Variants in NBPF20 observed in about 807,000 individuals in gnomAD.
NBPF20 encodes NBPF family member NBPF20.
NBPF20 carries 90 observed loss-of-function variants against 68.1 expected under a neutral mutation model. The observed-to-expected ratio is 1.32, with a 90% CI of 1.11 to 1.58. The LOEUF is 1.58. Among genes scored for constraint, NBPF20 ranks in the 40% most tolerant of loss-of-function variants. The pLI, the probability that NBPF20 is intolerant of heterozygous loss-of-function variation, is 0.00. For synonymous variants in NBPF20, 290 were observed against 228.1 expected, an observed-to-expected ratio of 1.27 and a Z score of -2.45; for missense variants, 816 against 601.2, an observed-to-expected ratio of 1.36 and a Z score of -3.74.
intron 61 of NBPF20, among the ~76,000 whole-genome samples, chr1:145,352,348 G>C (rs1157419088): frequency 0.013 from 1,025 of 76,778 alleles, 62 homozygotes; most frequent in African/African-American, 0.03. Flanking sequence ...CACACACACA[G>C]AGAGAACGAG....
At chr1:145,291,548 A>C in exon 138 of NBPF20, 2 of 1,612,028 alleles carry the variant, frequency 1.2e-6, no homozygotes, top group Non-Finnish European at 1.7e-6. Flanking sequence ...TATGACTCCC[A>C]TCTGGAACAC....
At chr1:145,400,552 T>G in exon 6 of NBPF20, 1 of 1,612,674 alleles carries the variant, frequency 6.2e-7, no homozygotes, top group Non-Finnish European at 8.5e-7. Flanking sequence ...ATTCCTCCTG[T>G]GAGTCCTCAG....
chr1:145,422,254 TAAAG>T, the NBPF20 span, among the ~76,000 whole-genome samples: 9 of 151,352 alleles, frequency 5.9e-5, 1 homozygote, highest in South Asian at 6.3e-4. Flanking sequence ...GATAAATAAA[TAAAG>T]AGTCAAAACT....
At position 145,291,836 on chromosome 1, in the gene NBPF20, T is replaced by A. The variant is rs587635417; in HGVS notation, c.16698-67A>T. The A allele has an allele frequency of 1.8e-4, 297 of 1,610,982 alleles. No individual in the cohort carries two copies. The African/African-American group carries it at 3.8e-3, about 20-fold the overall frequency. ...CAGAAACCACAGAGCCCCACTAGAT[T>A]TCAGAAGTCACATAAGGAAGTGGTT... On this transcript the variant is annotated intron_variant, in intron 137 of 137. Coordinates refer to ENST00000369373, the Ensembl canonical transcript of NBPF20.
intron 2 of NBPF20, among the ~76,000 whole-genome samples, chr1:145,403,831 A>C (rs1198186884): frequency 1.3e-5 from 2 of 151,954 alleles, no homozygotes; most frequent in Non-Finnish European, 2.9e-5. Context: ...TATCTGAAGC[A>C]TAAAGTGTGA....
intron 6 of NBPF20, 121 bp downstream of exon 11, chr1:145,400,268 T>A (rs1249016115): frequency 3.1e-6 from 5 of 1,587,340 alleles, no homozygotes; most frequent in East Asian, 4.5e-5. Flanking sequence ...GTCCCTGATA[T>A]CTGTTTAGAA....
At chr1:145,292,800 G>C (rs1447428835) in intron 136 of NBPF20, among the ~76,000 whole-genome samples, 3 of 79,354 alleles carry the variant, frequency 3.8e-5, no homozygotes, top group Non-Finnish European at 6.8e-5. Context: ...ATGATTTCTA[G>C]GAGAAAAACT....
In NBPF20 at chr1:145,291,468, T is replaced by A. The variant is rs587603856; in HGVS notation, c.*58A>T. ...TGGAACTGTACTTTCATTCAAATCT[T>A]CACGTGCCTATAGGTCCTGCCTGCA... On this transcript the variant is annotated 3_prime_UTR_variant, in exon 138 of 138. Coordinates refer to ENST00000369373, the Ensembl canonical transcript of NBPF20. The A allele has an allele frequency of 9.2e-5, 149 of 1,612,006 alleles. 1 individual carries two copies. In the South Asian group the frequency reaches 1.6e-3, roughly 17 times the overall value.
chr1:145,419,801 G>T, the NBPF20 span, among the ~76,000 whole-genome samples: 4 of 152,176 alleles, frequency 2.6e-5, no homozygotes, highest in African/African-American at 9.7e-5. Flanking sequence ...GCCCAGAGCA[G>T]GGCATGGTAC....
intron 8 of NBPF20, among the ~76,000 whole-genome samples, chr1:145,394,774 C>G (rs1354626030): frequency 6.6e-6 from 1 of 152,130 alleles, no homozygotes; most frequent in African/African-American, 2.4e-5. Flanking sequence ...TGGCCTGAGA[C>G]TAGGAAGAGA....
chr1:145,425,073 C>A, the NBPF20 span, among the ~76,000 whole-genome samples: 8 of 152,210 alleles, frequency 5.3e-5, no homozygotes, highest in Non-Finnish European at 1.0e-4. Flanking sequence ...GCCCCCGAAG[C>A]TGCTCGTCCC....
chr1:145,291,406 C>G, exon 138 of NBPF20: 1 of 1,599,352 alleles, frequency 6.3e-7, no homozygotes, highest in Admixed American at 1.7e-5. Context: ...GGAATACAGC[C>G]ATGCCCACTG....
Position 145,392,794 on chromosome 1 carries a change from A to T in NBPF20, c.1216+280T>A. 2.1e-5 allele frequency among the ~76,000 whole-genome samples: 2 copies of T among 93,588 alleles called. 1 individual carries two copies. The highest frequency in any genetic ancestry group is 3.8e-5 in the Non-Finnish European group (2 of 52,758). The allele number at this position is 93,588 out of a possible 152,430, so 61.4% of individuals were successfully genotyped here. Reference sequence around the variant, plus strand: ...ATCTACAAAATTGAGACAAAATCAGAGTTGTGTGAATTTGTCACATCTGCC... The same window carrying T: ...ATCTACAAAATTGAGACAAAATCAGTGTTGTGTGAATTTGTCACATCTGCC... On this transcript the variant is annotated intron_variant, in intron 10 of 137. Coordinates refer to ENST00000369373, the Ensembl canonical transcript of NBPF20.
chr1:145,295,096 T>C (rs1661266714), intron 133 of NBPF20, 142 bp from the exon 139 acceptor site: 2 of 572,930 alleles, frequency 3.5e-6, no homozygotes, highest in African/African-American at 4.9e-5. Flanking sequence ...TTATTGCCTT[T>C]ATGTTGGGAT....
the NBPF20 span, among the ~76,000 whole-genome samples, chr1:145,424,259 A>T: frequency 2.7e-5 from 4 of 150,366 alleles, no homozygotes; most frequent in South Asian, 2.2e-4. Context: ...TACAGGTGTG[A>T]TCTACCGCGC....
In NBPF20 at chr1:145,311,036, G is replaced by A. The variant is rs1661464120; in HGVS notation, c.13713-206C>T. Among the ~76,000 whole-genome samples the A allele has an allele frequency of 3.4e-5, 3 of 87,132 alleles. No individual in the cohort carries two copies. In the South Asian group the frequency reaches 1.2e-3, roughly 36 times the overall value. The allele number at this position is 87,132 out of a possible 152,430, so 57.2% of individuals were successfully genotyped here. On this transcript the variant is annotated intron_variant, in intron 113 of 137. Transcript: ENST00000369373. ...AGAGAAAGACAGGGAGAGGGAGGGA[G>A]AGAGAGAGAGAGAGAGAGGAGAAAG...
At chr1:145,407,932 T>A (rs1662875727), upstream of NBPF20, 1 of 161,140 alleles carries the variant, frequency 6.2e-6, no homozygotes, top group Non-Finnish European at 1.4e-5. Context: ...AGCTTTGTCA[T>A]GAATGGGCTG....
the NBPF20 span, among the ~76,000 whole-genome samples, chr1:145,421,251 TG>T: frequency 6.6e-6 from 1 of 152,236 alleles, no homozygotes; most frequent in Non-Finnish European, 1.5e-5. Flanking sequence ...AATGCTTCTT[TG>T]GAATCGCATC....
chr1:145,402,284 G>C (rs1196339572), exon 4 of NBPF20: 1 of 1,610,346 alleles, frequency 6.2e-7, no homozygotes, highest in Non-Finnish European at 8.5e-7. Flanking sequence ...GCCTGGAGAT[G>C]CTCATTCAAT....
Sources: allele counts gnomAD v4.1 joint callset (sites outside exome capture counted in the v4.1 genomes callset), GRCh38; gene constraint gnomAD v4.1.1; transcripts MANE v1.5; gene names NCBI Gene and HGNC (gene_info 2026-07-23, HGNC 2026-07-21).